Variants in ME1 observed in about 807,000 individuals in gnomAD.
ME1 encodes the protein NADP-dependent malic enzyme.
A neutral mutation model predicts 66.4 loss-of-function variants in ME1; 74 were observed. The ratio of observed to expected loss-of-function variants is 1.11; its 90% CI spans 0.92 to 1.35. ME1 has a LOEUF of 1.35. ME1 is among the 40% of genes most tolerant of loss of function. The probability of loss-of-function intolerance (pLI) is 0.00; values close to 1 mark genes in which losing one functional copy is unlikely to be tolerated. For missense variants in ME1, 750 were observed against 694.1 expected, an observed-to-expected ratio of 1.08 and a Z score of -0.90; for synonymous variants, 251 against 235.6, an observed-to-expected ratio of 1.07 and a Z score of -0.60.
chr6:83,424,672 A>T (rs1334260610), intron 1 of ME1, among the ~76,000 whole-genome samples: 1 of 152,204 alleles, frequency 6.6e-6, no homozygotes, highest in Non-Finnish European at 1.5e-5. Flanking sequence ...AAGCAAGGGA[A>T]AGTGCTGTAT....
chr6:83,250,701 A>C (rs1349392712), intron 7 of ME1, among the ~76,000 whole-genome samples: 1 of 152,228 alleles, frequency 6.6e-6, no homozygotes, highest in Non-Finnish European at 1.5e-5. Flanking sequence ...GCTCCAATTC[A>C]ATCCTGTTCT....
At chr6:83,293,687 A>G (rs1767545273) in intron 6 of ME1, among the ~76,000 whole-genome samples, 1 of 152,200 alleles carries the variant, frequency 6.6e-6, no homozygotes, top group Admixed American at 6.5e-5. Flanking sequence ...GGTGAAATGA[A>G]GTAAGCGAAA....
At chr6:83,275,874 G>A (rs973138226) in intron 6 of ME1, among the ~76,000 whole-genome samples, 3 of 135,380 alleles carry the variant, frequency 2.2e-5, no homozygotes, top group African/African-American at 8.4e-5. Context: ...CCGGGTTCAC[G>A]CCATTCTGCC....
chr6:83,347,928 A>G (rs1768720032), intron 4 of ME1, among the ~76,000 whole-genome samples: 2 of 152,202 alleles, frequency 1.3e-5, no homozygotes, highest in East Asian at 1.9e-4. Flanking sequence ...AGAAACCCAC[A>G]TATGTTAATT....
chr6:83,287,515 A>G (rs1056640996), intron 6 of ME1, among the ~76,000 whole-genome samples: 1 of 152,040 alleles, frequency 6.6e-6, no homozygotes, highest in Non-Finnish European at 1.5e-5. Context: ...AGTATTCCAG[A>G]GTATATATGT....
chr6:83,276,045 T>C (rs530281391), intron 6 of ME1, among the ~76,000 whole-genome samples: 117 of 151,828 alleles, frequency 7.7e-4, no homozygotes, highest in African/African-American at 2.4e-3. Context: ...GCTGGAATTA[T>C]AGGTGTCAGC....
intron 5 of ME1, among the ~76,000 whole-genome samples, chr6:83,332,120 A>G (rs548152779): frequency 6.6e-6 from 1 of 152,318 alleles, no homozygotes; most frequent in South Asian, 2.1e-4. Context: ...GTGAAATAAC[A>G]GAGGAAAGAT....
At chr6:83,323,880 A>T (rs1247088733) in intron 5 of ME1, among the ~76,000 whole-genome samples, 1 of 152,194 alleles carries the variant, frequency 6.6e-6, no homozygotes, top group Non-Finnish European at 1.5e-5. Flanking sequence ...TCAACAGAGT[A>T]TACATTCTTC....
intron 2 of ME1, among the ~76,000 whole-genome samples, chr6:83,401,584 T>C (rs1040523114): frequency 6.6e-6 from 1 of 151,912 alleles, no homozygotes; most frequent in Non-Finnish European, 1.5e-5. Flanking sequence ...AAAGAGAAGG[T>C]TGCGAAGGAG....
At chr6:83,427,479 T>A (rs754832597) in intron 1 of ME1, among the ~76,000 whole-genome samples, 3 of 152,182 alleles carry the variant, frequency 2.0e-5, no homozygotes, top group Non-Finnish European at 4.4e-5. Flanking sequence ...TTCAGCATAC[T>A]ATATAATGGC....
chr6:83,330,347 G>A (rs1240059561), intron 5 of ME1, among the ~76,000 whole-genome samples: 1 of 151,972 alleles, frequency 6.6e-6, no homozygotes, highest in Non-Finnish European at 1.5e-5. Flanking sequence ...TCATCAATAA[G>A]AATAAGCAAA....
At chr6:83,306,337 C>A (rs1767823861) in intron 6 of ME1, among the ~76,000 whole-genome samples, 1 of 151,802 alleles carries the variant, frequency 6.6e-6, no homozygotes, top group South Asian at 2.1e-4. Context: ...ATTTTGAAAT[C>A]ATAATGATTA....
intron 2 of ME1, among the ~76,000 whole-genome samples, chr6:83,404,006 T>C (rs1769886469): frequency 6.6e-6 from 1 of 152,220 alleles, no homozygotes; most frequent in African/African-American, 2.4e-5. Flanking sequence ...CTATAATTCT[T>C]TGGGTATATA....
At chr6:83,292,799 C>T (rs965299677) in intron 6 of ME1, among the ~76,000 whole-genome samples, 3 of 152,120 alleles carry the variant, frequency 2.0e-5, no homozygotes, top group Non-Finnish European at 4.4e-5. Flanking sequence ...GCTTCCCTGC[C>T]GCTTTGCTTA....
At chr6:83,350,840 C>T (rs1293159745) in intron 4 of ME1, among the ~76,000 whole-genome samples, 1 of 151,786 alleles carries the variant, frequency 6.6e-6, no homozygotes, top group African/African-American at 2.4e-5. Context: ...AGTAAACATC[C>T]TTAGGTGATC....
chr6:83,348,421 C>T (rs550647008), intron 4 of ME1, among the ~76,000 whole-genome samples: 10 of 152,116 alleles, frequency 6.6e-5, no homozygotes, highest in African/African-American at 2.4e-4. Flanking sequence ...GTCCAGTTGG[C>T]CTGCCTATAC....
intron 3 of ME1, among the ~76,000 whole-genome samples, chr6:83,383,682 G>A (rs777418657): frequency 2.0e-5 from 3 of 151,662 alleles, no homozygotes; most frequent in Non-Finnish European, 4.4e-5. Flanking sequence ...TAGTGAAAAT[G>A]TTTTATTTCA....
At chr6:83,250,441 C>A (rs914935730) in intron 7 of ME1, among the ~76,000 whole-genome samples, 1 of 152,130 alleles carries the variant, frequency 6.6e-6, no homozygotes, top group African/African-American at 2.4e-5. Context: ...TAGTAAAGGG[C>A]AAAGCAAATC....
chr6:83,310,777 T>C (rs1337808280), intron 6 of ME1, among the ~76,000 whole-genome samples: 1 of 152,078 alleles, frequency 6.6e-6, no homozygotes, highest in Non-Finnish European at 1.5e-5. Context: ...GAGAAAGTAA[T>C]TGCCAACAAG....
Sources: allele counts gnomAD v4.1 joint callset (sites outside exome capture counted in the v4.1 genomes callset), GRCh38; gene constraint gnomAD v4.1.1; transcripts MANE v1.5; gene names NCBI Gene and HGNC (gene_info 2026-07-23, HGNC 2026-07-21).